The following RIT2 variants were observed in gnomAD, a reference collection of about 807,000 sequenced individuals.
RIT2 encodes the protein GTP-binding protein Rit2.
Under a neutral mutation model 23.7 loss-of-function variants are expected in RIT2, and 24 were observed. That is an observed-to-expected ratio of 1.01 (90% CI 0.73 to 1.43). The LOEUF (loss-of-function observed/expected upper bound fraction) is 1.43. Among genes scored for constraint, RIT2 ranks in the 40% most tolerant of loss-of-function variants. The pLI is 0.00. For missense variants in RIT2, 236 were observed against 266.9 expected (o/e 0.88, Z 0.81); for synonymous variants, 107 against 91.1 (o/e 1.17, Z -0.99).
At chr18:42,947,334 T>A (rs1298298920) in intron 3 of RIT2, among the ~76,000 whole-genome samples, 4 of 152,114 alleles carry the variant, frequency 2.6e-5, no homozygotes, top group Non-Finnish European at 5.9e-5. Context: ...ATTGATTAAT[T>A]CATTTCTGGA....
At chr18:42,811,301 A>G (rs1440213353) in intron 4 of RIT2, among the ~76,000 whole-genome samples, 1 of 152,078 alleles carries the variant, frequency 6.6e-6, no homozygotes, top group Non-Finnish European at 1.5e-5. Context: ...CAATAATAAC[A>G]TTTTTTTATG....
At chr18:42,905,010 G>A (rs2144111297) in intron 4 of RIT2, among the ~76,000 whole-genome samples, 1 of 152,194 alleles carries the variant, frequency 6.6e-6, no homozygotes, top group East Asian at 1.9e-4. Context: ...TAGTGCAATT[G>A]TTTTGGAATA....
Position 43,104,163 on chromosome 18 carries a change from G to A in RIT2, c.103+11254C>T, listed in dbSNP as rs147566071. Among the ~76,000 whole-genome samples the A allele has an allele frequency of 1.5e-3, 231 of 152,282 alleles. 1 individual carries two copies. The highest frequency in any genetic ancestry group is 5.3e-3 in the African/African-American group (219 of 41,566). On this transcript the variant is annotated intron_variant, in intron 1 of 4. Coordinates refer to ENST00000326695, the MANE Select transcript of RIT2 (RefSeq NM_002930.4). The stretch of plus-strand genomic sequence containing the variant: ...CATGGATGAACCTGGAGGACATAAC[G>A]TTAAGTAAACTAAATCAGGCATAGA...
intron 4 of RIT2, among the ~76,000 whole-genome samples, chr18:42,852,285 C>T (rs1461906270): frequency 6.6e-6 from 1 of 152,164 alleles, no homozygotes; most frequent in Non-Finnish European, 1.5e-5. Flanking sequence ...TCTATGATTA[C>T]AGCTTTAAAA....
chr18:42,773,201 T>A (rs920137587), intron 4 of RIT2, among the ~76,000 whole-genome samples: 11 of 152,172 alleles, frequency 7.2e-5, no homozygotes, highest in African/African-American at 2.7e-4. Context: ...CTCCTGATAT[T>A]TATGAACTGA....
intron 3 of RIT2, among the ~76,000 whole-genome samples, chr18:42,962,036 T>C (rs1910105689): frequency 6.6e-6 from 1 of 152,184 alleles, no homozygotes; most frequent in Non-Finnish European, 1.5e-5. Context: ...ACCTTTTCTG[T>C]AAATTTCAGA....
rs2144171930 is a variant in RIT2, at chr18:42,950,631, C to T, written c.234+23443G>A. Among the ~76,000 whole-genome samples, 5 of 151,954 alleles carry T rather than the reference C, an allele frequency of 3.3e-5. No individual in the cohort carries two copies. In the South Asian group the frequency reaches 1.0e-3, roughly 32 times the overall value. Reference sequence around the variant, plus strand: ...AACTTACAGAATAGGAAAAAATATTCACAAACCACGCATCTGACAAAGGTC... The same window carrying T: ...AACTTACAGAATAGGAAAAAATATTTACAAACCACGCATCTGACAAAGGTC... On this transcript the variant is annotated intron_variant, in intron 3 of 4. Coordinates refer to ENST00000326695, the MANE Select transcript of RIT2 (RefSeq NM_002930.4).
chr18:43,044,790 T>C (rs1478125942), intron 1 of RIT2, among the ~76,000 whole-genome samples: 1 of 152,140 alleles, frequency 6.6e-6, no homozygotes, highest in Admixed American at 6.5e-5. Flanking sequence ...CCTTTTGCAA[T>C]TCATCATTTC....
Position 43,115,567 on chromosome 18 carries a change from T to C in RIT2, c.-48A>G, listed in dbSNP as rs1914050302. 6.3e-7 allele frequency: 1 copy of C among 1,592,342 alleles called. No homozygotes were observed. The highest frequency in any genetic ancestry group is 8.5e-7 in the Non-Finnish European group (1 of 1,173,214). The stretch of plus-strand genomic sequence containing the variant: ...AAAAAGAAGGAGAAAGTCACCCGTG[T>C]CAGGTGCTTGCTCGAATATTAAGCA... On this transcript the variant is annotated 5_prime_UTR_variant, in exon 1 of 5. Coordinates refer to ENST00000326695, the MANE Select transcript of RIT2 (RefSeq NM_002930.4).
intron 1 of RIT2, among the ~76,000 whole-genome samples, chr18:43,098,708 T>C (rs889193499): frequency 6.6e-6 from 1 of 152,028 alleles, no homozygotes; most frequent in Non-Finnish European, 1.5e-5. Flanking sequence ...ATTGGAAGCC[T>C]ATTCATTAAT....
chr18:43,060,092 A>C (rs1035794858), intron 1 of RIT2, among the ~76,000 whole-genome samples: 5 of 152,180 alleles, frequency 3.3e-5, no homozygotes, highest in African/African-American at 1.2e-4. Context: ...AATTAACTTG[A>C]AAAGATCTGA....
chr18:43,054,802 G>A (rs1912460877), intron 1 of RIT2, among the ~76,000 whole-genome samples: 1 of 152,078 alleles, frequency 6.6e-6, no homozygotes, highest in Non-Finnish European at 1.5e-5. Context: ...TGATTAGAAT[G>A]AATTAGTCTC....
intron 4 of RIT2, among the ~76,000 whole-genome samples, chr18:42,871,625 G>A (rs1907623312): frequency 6.6e-6 from 1 of 152,116 alleles, no homozygotes; most frequent in Non-Finnish European, 1.5e-5. Context: ...CAAGAAATAA[G>A]AAAGCAAACA....
At chr18:43,031,371 A>G (rs1455600456) in intron 2 of RIT2, among the ~76,000 whole-genome samples, 1 of 151,716 alleles carries the variant, frequency 6.6e-6, no homozygotes, top group Non-Finnish European at 1.5e-5. Context: ...TAAGCAAGCA[A>G]ATAGACCCGT....
At position 42,888,948 on chromosome 18, in the gene RIT2, T is replaced by C. The variant is rs145174104; in HGVS notation, c.426+34624A>G. ...GAGAGTAGCTTAGAAAACTACCTAC[T>C]GGGTACTATGCTCAGTATCAGGGTG... On this transcript the variant is annotated intron_variant, in intron 4 of 4. Coordinates refer to ENST00000326695, the MANE Select transcript of RIT2 (RefSeq NM_002930.4). 4.0e-4 allele frequency among the ~76,000 whole-genome samples: 61 copies of C among 152,168 alleles called. 1 individual carries two copies. The highest frequency in any genetic ancestry group is 1.4e-3 in the African/African-American group (60 of 41,538).
chr18:42,807,539 C>G (rs1164488378), intron 4 of RIT2, among the ~76,000 whole-genome samples: 1 of 152,120 alleles, frequency 6.6e-6, no homozygotes, highest in Non-Finnish European at 1.5e-5. Context: ...ATTGCTTGAA[C>G]CCGGGAAGCA....
intron 4 of RIT2, among the ~76,000 whole-genome samples, chr18:42,811,533 C>A (rs1272352515): frequency 2.0e-5 from 3 of 152,068 alleles, no homozygotes; most frequent in African/African-American, 7.2e-5. Flanking sequence ...AATGGTTGAA[C>A]TCCATATTTA....
chr18:42,751,038 CAAAT>C (rs1436378455), intron 4 of RIT2, among the ~76,000 whole-genome samples: 1 of 151,792 alleles, frequency 6.6e-6, no homozygotes, highest in Non-Finnish European at 1.5e-5. Flanking sequence ...AAGGCTTAGA[CAAAT>C]AATCTTACTA....
At chr18:43,016,551 G>T (rs1019863396) in intron 2 of RIT2, among the ~76,000 whole-genome samples, 9 of 151,530 alleles carry the variant, frequency 5.9e-5, no homozygotes, top group African/African-American at 1.9e-4. Context: ...TATAAAATAA[G>T]ACGTTTTATC....
Sources: allele counts gnomAD v4.1 joint callset (sites outside exome capture counted in the v4.1 genomes callset), GRCh38; gene constraint gnomAD v4.1.1; transcripts MANE v1.5; gene names NCBI Gene and HGNC (gene_info 2026-07-23, HGNC 2026-07-21).